The following ZNF804B variants were observed in gnomAD, a reference collection of about 807,000 sequenced individuals.
ZNF804B encodes zinc finger 804B.
In ZNF804B, 80 loss-of-function variants were observed where a neutral mutation model predicts 101.4. The observed-to-expected ratio is 0.79, with a 90% CI of 0.66 to 0.95. The LOEUF is 0.95. Among genes scored for constraint, ZNF804B ranks in the 40% least tolerant of loss-of-function variants. The pLI is 0.00. For missense variants in ZNF804B, 1,673 were observed against 1,561.9 expected, an observed-to-expected ratio of 1.07 and a Z score of -1.20; for synonymous variants, 622 against 558.8, an observed-to-expected ratio of 1.11 and a Z score of -1.59.
chr7:88,944,380 C>T (rs1376018308), intron 1 of ZNF804B, among the ~76,000 whole-genome samples: 2 of 151,686 alleles, frequency 1.3e-5, no homozygotes, highest in South Asian at 2.1e-4. Context: ...ATTTGTTTCA[C>T]TTTTGTATTT....
chr7:89,243,705 T>A (rs1459084755), intron 2 of ZNF804B, among the ~76,000 whole-genome samples: 1 of 151,920 alleles, frequency 6.6e-6, no homozygotes, highest in African/African-American at 2.4e-5. Context: ...AAAGCAGTCT[T>A]ATCTATTGTG....
At chr7:88,760,817 C>A (rs1789883460) in intron 1 of ZNF804B, among the ~76,000 whole-genome samples, 2 of 149,220 alleles carry the variant, frequency 1.3e-5, no homozygotes, top group Admixed American at 1.3e-4. Context: ...TTGGTACATG[C>A]TATTATGTTT....
chr7:88,966,199 T>C (rs1460998437), intron 1 of ZNF804B, among the ~76,000 whole-genome samples: 1 of 151,548 alleles, frequency 6.6e-6, no homozygotes, highest in Non-Finnish European at 1.5e-5. Context: ...TGTGTACAGA[T>C]ATTATAATAC....
intron 2 of ZNF804B, among the ~76,000 whole-genome samples, chr7:89,270,645 A>G (rs1438492646): frequency 6.6e-6 from 1 of 152,152 alleles, no homozygotes; most frequent in Admixed American, 6.5e-5. Flanking sequence ...GAATCTATAA[A>G]TTACCTTGGG....
In ZNF804B at chr7:88,760,033, C is replaced by T. The variant is rs568827739; in HGVS notation, c.57C>T (p.Gly19=). ...SRHLSNGHYR[G]IKGVFRGPLC... is the part of the protein sequence containing the mutation. ...ATCTCAGCAATGGGCACTACCGGGGCATTAAAGGAGTCTTCAGGGGACCCC... is the reference window on the plus strand; with the variant it reads ...ATCTCAGCAATGGGCACTACCGGGGTATTAAAGGAGTCTTCAGGGGACCCC... The change falls in exon 1 of 4, where the codon GGC becomes GGT. Residue 19 remains glycine (G), a synonymous_variant. Transcript: ENST00000333190. 93 of 1,614,200 alleles carry T rather than the reference C, an allele frequency of 5.8e-5. No individual in the cohort carries two copies. Among genetic ancestry groups the T allele is most frequent in the Non-Finnish European group, 7.0e-5 (83 of 1,180,030 alleles).
At chr7:89,142,135 G>A (rs1790726989) in intron 1 of ZNF804B, among the ~76,000 whole-genome samples, 1 of 151,796 alleles carries the variant, frequency 6.6e-6, no homozygotes, top group Admixed American at 6.6e-5. Context: ...GGACTGTAAA[G>A]TGTATGCCTA....
chr7:88,979,041 C>G (rs946187469), intron 1 of ZNF804B, among the ~76,000 whole-genome samples: 1 of 151,744 alleles, frequency 6.6e-6, no homozygotes. Flanking sequence ...AACAAAAGAC[C>G]AAACATGCAA....
chr7:88,926,936 T>TG lies in ZNF804B; in HGVS notation c.108+166856dup, dbSNP rs200969350. ...CCACACTTAGATGTCTGCCGGGTGG[T>TG]GGGGAGCGGGGGGAAAGCTGTTCTG... is the stretch of plus-strand genomic sequence containing the variant. On this transcript the variant is annotated intron_variant, in intron 1 of 3. Transcript: ENST00000333190. Among the ~76,000 whole-genome samples, 22 of 85,466 alleles carry TG rather than the reference T, an allele frequency of 2.6e-4. No individual in the cohort carries two copies. In the East Asian group the frequency reaches 6.9e-3, roughly 27 times the overall value. 56.1% of individuals were successfully genotyped at this position (85,466 alleles called of 152,430 possible).
At chr7:89,011,969 A>G (rs1239407098) in intron 1 of ZNF804B, among the ~76,000 whole-genome samples, 4 of 152,190 alleles carry the variant, frequency 2.6e-5, no homozygotes, top group East Asian at 3.9e-4. Context: ...GAGGTTCTCA[A>G]TGAGGGCTCT....
intron 1 of ZNF804B, among the ~76,000 whole-genome samples, chr7:88,991,474 C>A (rs1383623608): frequency 6.6e-6 from 1 of 152,162 alleles, no homozygotes; most frequent in Non-Finnish European, 1.5e-5. Context: ...GGAGGGGATC[C>A]TTCCCGTGAG....
At chr7:89,282,766 A>G (rs1584103540) in intron 2 of ZNF804B, among the ~76,000 whole-genome samples, 2 of 152,196 alleles carry the variant, frequency 1.3e-5, no homozygotes, top group Admixed American at 1.3e-4. Context: ...TGGTGCGATC[A>G]TGGAGGCAGA....
At chr7:88,766,960 G>T (rs1309053449) in intron 1 of ZNF804B, among the ~76,000 whole-genome samples, 2 of 152,086 alleles carry the variant, frequency 1.3e-5, no homozygotes, top group African/African-American at 2.4e-5. Context: ...ACTTTTGTGT[G>T]GGTGTAAGAG....
At chr7:89,187,275 A>G (rs55743503) in intron 1 of ZNF804B, among the ~76,000 whole-genome samples, 26,622 of 152,134 alleles carry the variant, frequency 0.17, 2,419 homozygotes, top group Middle Eastern at 0.29. Context: ...AAACTCATTT[A>G]AATGAAAGAG....
At chr7:88,784,882 C>G (rs1278136984) in intron 1 of ZNF804B, among the ~76,000 whole-genome samples, 1 of 152,036 alleles carries the variant, frequency 6.6e-6, no homozygotes, top group East Asian at 1.9e-4. Context: ...TGCTTCTTGG[C>G]AATTTAAATT....
chr7:89,193,971 C>T (rs1788503660), intron 1 of ZNF804B, among the ~76,000 whole-genome samples: 1 of 152,098 alleles, frequency 6.6e-6, no homozygotes, highest in African/African-American at 2.4e-5. Flanking sequence ...CTCTCCAGCA[C>T]CTGTTGTTTC....
intron 2 of ZNF804B, among the ~76,000 whole-genome samples, chr7:89,236,289 C>CAAGA (rs1789278052): frequency 6.6e-6 from 1 of 152,038 alleles, no homozygotes; most frequent in Admixed American, 6.5e-5. Flanking sequence ...CCAGTAGACT[C>CAAGA]TTGAGCATAT....
At chr7:88,785,375 A>T (rs1668784170) in intron 1 of ZNF804B, among the ~76,000 whole-genome samples, 1 of 152,054 alleles carries the variant, frequency 6.6e-6, no homozygotes, top group African/African-American at 2.4e-5. Flanking sequence ...ACACTATAGG[A>T]GTCTGTTTTT....
intron 1 of ZNF804B, among the ~76,000 whole-genome samples, chr7:89,021,231 T>C (rs1788662188): frequency 6.6e-6 from 1 of 152,148 alleles, no homozygotes; most frequent in East Asian, 1.9e-4. Flanking sequence ...CAGCAATCCA[T>C]TTTAGTGATG....
At chr7:88,937,420 C>A (rs2116035670) in intron 1 of ZNF804B, among the ~76,000 whole-genome samples, 1 of 152,166 alleles carries the variant, frequency 6.6e-6, no homozygotes, top group South Asian at 2.1e-4. Context: ...ATCCATCGAC[C>A]TGCAAAATAT....
Sources: gnomAD v4.1 joint callset for allele counts (sites outside exome capture counted in the v4.1 genomes callset) on GRCh38, gnomAD v4.1.1 for gene constraint, MANE v1.5 for transcripts, NCBI Gene and HGNC (gene_info 2026-07-23, HGNC 2026-07-21) for gene names.